MOB3B: variants seen among roughly 807,000 people sequenced by gnomAD.
MOB3B encodes MOB kinase activator-like 2B.
Under a neutral mutation model 18.7 loss-of-function variants are expected in MOB3B, and 7 were observed. The ratio of observed to expected loss-of-function variants is 0.37; its 90% CI spans 0.21 to 0.70. The LOEUF is 0.70. Ranked by LOEUF, MOB3B falls within the 30% of genes least tolerant of loss-of-function variation. The pLI, the probability that MOB3B is intolerant of heterozygous loss-of-function variation, is 0.52. For synonymous variants in MOB3B, 111 were observed against 99.9 expected (o/e 1.11, Z -0.66); for missense variants, 253 against 281.3 (o/e 0.90, Z 0.72).
intron 1 of MOB3B, among the ~76,000 whole-genome samples, chr9:27,485,292 T>C (rs1819716854): frequency 6.6e-6 from 1 of 152,166 alleles, no homozygotes; most frequent in Non-Finnish European, 1.5e-5. Context: ...CCTGGCAAGG[T>C]AGGGACTGTG....
chr9:27,438,938 A>C (rs973549390), intron 2 of MOB3B, among the ~76,000 whole-genome samples: 1 of 152,088 alleles, frequency 6.6e-6, no homozygotes, highest in Non-Finnish European at 1.5e-5. Context: ...GTTGAAAGAG[A>C]CTTAGGGCCT....
At chr9:27,348,668 A>AG (rs1438279817) in intron 3 of MOB3B, among the ~76,000 whole-genome samples, 3 of 151,614 alleles carry the variant, frequency 2.0e-5, no homozygotes, top group African/African-American at 7.3e-5. Context: ...AAAAAAAAAA[A>AG]AAGAAAGAAA....
At chr9:27,417,350 CG>C (rs1822167713) in intron 2 of MOB3B, among the ~76,000 whole-genome samples, 1 of 151,770 alleles carries the variant, frequency 6.6e-6, no homozygotes, top group African/African-American at 2.4e-5. Context: ...GGCGACAGAG[CG>C]AGACTCCGTC....
intron 2 of MOB3B, among the ~76,000 whole-genome samples, chr9:27,380,797 A>C (rs2131374196): frequency 6.6e-6 from 1 of 151,618 alleles, no homozygotes; most frequent in African/African-American, 2.4e-5. Context: ...ATAGTTCCTA[A>C]CCCCTCATAA....
chr9:27,482,477 A>G (rs1414495656), intron 1 of MOB3B, among the ~76,000 whole-genome samples: 1 of 152,174 alleles, frequency 6.6e-6, no homozygotes, highest in African/African-American at 2.4e-5. Flanking sequence ...GAAAAGAAAA[A>G]TCCACAACAT....
At chr9:27,427,604 G>GT (rs1363114888) in intron 2 of MOB3B, among the ~76,000 whole-genome samples, 1 of 152,008 alleles carries the variant, frequency 6.6e-6, no homozygotes, top group Admixed American at 6.6e-5. Context: ...TTACTCCATT[G>GT]TTTTTTTGTG....
chr9:27,434,899 C>T (rs1822474237), intron 2 of MOB3B, among the ~76,000 whole-genome samples: 1 of 152,132 alleles, frequency 6.6e-6, no homozygotes, highest in Non-Finnish European at 1.5e-5. Context: ...TGTAGGAGAA[C>T]ATAATACACC....
At chr9:27,519,527 G>A (rs1345261922) in intron 1 of MOB3B, among the ~76,000 whole-genome samples, 1 of 152,058 alleles carries the variant, frequency 6.6e-6, no homozygotes, top group Admixed American at 6.5e-5. Flanking sequence ...TATTCCCTAT[G>A]AGCATTTAAG....
At chr9:27,462,015 G>A (rs1374145022) in intron 1 of MOB3B, among the ~76,000 whole-genome samples, 1 of 152,166 alleles carries the variant, frequency 6.6e-6, no homozygotes, top group Non-Finnish European at 1.5e-5. Context: ...TGTTCCTTCT[G>A]GACACCAGTA....
At chr9:27,362,567 C>T (rs1821287720) in intron 2 of MOB3B, among the ~76,000 whole-genome samples, 1 of 152,112 alleles carries the variant, frequency 6.6e-6, no homozygotes, top group South Asian at 2.1e-4. Flanking sequence ...CCACCATTCC[C>T]TCCCTCCCAT....
At chr9:27,444,187 G>GAAAGAAAGAAAGAA (rs1157845572) in intron 2 of MOB3B, among the ~76,000 whole-genome samples, 1 of 140,466 alleles carries the variant, frequency 7.1e-6, no homozygotes, top group East Asian at 2.2e-4. Flanking sequence ...AGGAAGGAAA[G>GAAAGAAAGAAAGAA]AAAGAAAGAA....
intron 2 of MOB3B, among the ~76,000 whole-genome samples, chr9:27,424,397 C>A (rs1302878527): frequency 6.6e-6 from 1 of 152,126 alleles, no homozygotes; most frequent in African/African-American, 2.4e-5. Flanking sequence ...ACTGAAGGCC[C>A]AAAGAGATAC....
intron 1 of MOB3B, among the ~76,000 whole-genome samples, chr9:27,522,906 T>C (rs994347704): frequency 2.0e-5 from 3 of 149,732 alleles, no homozygotes; most frequent in African/African-American, 7.4e-5. Flanking sequence ...ATGGAACAAA[T>C]AGAATAATAT....
chr9:27,511,367 A>G (rs1015398693), intron 1 of MOB3B, among the ~76,000 whole-genome samples: 1 of 152,178 alleles, frequency 6.6e-6, no homozygotes, highest in Non-Finnish European at 1.5e-5. Context: ...CTTCAGCCAT[A>G]AAATGGGGAT....
chr9:27,420,548 C>CATATATATAT (rs55684272), intron 2 of MOB3B, among the ~76,000 whole-genome samples: 1 of 31,080 alleles, frequency 3.2e-5, no homozygotes, highest in Non-Finnish European at 5.3e-5. Context: ...CTGTATATTC[C>CATATATATAT]ATATATATAT....
chr9:27,458,598 T>A (rs1238278773), intron 1 of MOB3B, among the ~76,000 whole-genome samples: 2 of 131,792 alleles, frequency 1.5e-5, no homozygotes, highest in East Asian at 5.6e-4. Flanking sequence ...ATGCCACTGC[T>A]GGAGTGGTGT....
intron 1 of MOB3B, among the ~76,000 whole-genome samples, chr9:27,527,305 T>C (rs1820450482): frequency 6.6e-6 from 1 of 152,232 alleles, no homozygotes; most frequent in Non-Finnish European, 1.5e-5. Flanking sequence ...AATCCTTCCT[T>C]GGGGATCATT....
chr9:27,458,515 ATG>A (rs1819225195), intron 1 of MOB3B, among the ~76,000 whole-genome samples: 1 of 132,246 alleles, frequency 7.6e-6, no homozygotes. Context: ...ATTTGAAGAT[ATG>A]TTTTTTTTTT....
At chr9:27,367,522 T>G (rs1225722584) in intron 2 of MOB3B, among the ~76,000 whole-genome samples, 1 of 152,218 alleles carries the variant, frequency 6.6e-6, no homozygotes, top group Non-Finnish European at 1.5e-5. Context: ...CTGCTTGCCC[T>G]TAAGCAACTT....
Sources: allele counts gnomAD v4.1 joint callset (sites outside exome capture counted in the v4.1 genomes callset), GRCh38; gene constraint gnomAD v4.1.1; transcripts MANE v1.5; gene names NCBI Gene and HGNC (gene_info 2026-07-23, HGNC 2026-07-21).